The following DLGAP1 variants were observed in gnomAD, a reference collection of about 807,000 sequenced individuals.
The protein encoded by DLGAP1 is DLG associated protein 1, also known as disks large-associated protein 1.
Under a neutral mutation model 90.8 loss-of-function variants are expected in DLGAP1, and 11 were observed. That is an observed-to-expected ratio of 0.12 (90% CI 0.08 to 0.20). DLGAP1 has a LOEUF of 0.20. Among genes scored for constraint, DLGAP1 ranks in the 10% least tolerant of loss-of-function variants. The probability of loss-of-function intolerance (pLI) is 1.00; values close to 1 mark genes in which losing one functional copy is unlikely to be tolerated. For missense variants in DLGAP1, 1,050 were observed against 1,333.8 expected, an observed-to-expected ratio of 0.79 and a Z score of 3.31; for synonymous variants, 558 against 540.7, an observed-to-expected ratio of 1.03 and a Z score of -0.44.
At chr18:3,883,878 C>T (rs563574535) in intron 3 of DLGAP1, among the ~76,000 whole-genome samples, 2 of 152,300 alleles carry the variant, frequency 1.3e-5, no homozygotes, top group African/African-American at 4.8e-5. Flanking sequence ...TGGGCAATAT[C>T]GTACCTTCTG....
intron 2 of DLGAP1, among the ~76,000 whole-genome samples, chr18:4,071,237 CA>C (rs2075442026): frequency 6.6e-6 from 1 of 151,462 alleles, no homozygotes; most frequent in Non-Finnish European, 1.5e-5. Flanking sequence ...TAAAGATATA[CA>C]TGTGTGTGTG....
chr18:4,407,198 T>C (rs1442614708), intron 1 of DLGAP1, among the ~76,000 whole-genome samples: 1 of 147,876 alleles, frequency 6.8e-6, no homozygotes, highest in Non-Finnish European at 1.5e-5. Flanking sequence ...CACAATTTAG[T>C]TAAAGGGAAA....
chr18:4,146,901 T>A (rs905426857), intron 2 of DLGAP1, among the ~76,000 whole-genome samples: 2 of 152,034 alleles, frequency 1.3e-5, no homozygotes, highest in African/African-American at 4.8e-5. Context: ...CACACTGAGC[T>A]CTAAAAGTAG....
At chr18:4,436,464 G>A (rs907956986) in intron 1 of DLGAP1, among the ~76,000 whole-genome samples, 7 of 152,080 alleles carry the variant, frequency 4.6e-5, no homozygotes, top group South Asian at 2.1e-4. Context: ...CAGGTGATGC[G>A]ATGTTGCTGG....
intron 9 of DLGAP1, among the ~76,000 whole-genome samples, chr18:3,550,740 T>A (rs2053348853): frequency 7.2e-6 from 1 of 138,236 alleles, no homozygotes; most frequent in South Asian, 2.4e-4. Flanking sequence ...GACCCTTTTT[T>A]TTTTTTTTTT....
intron 3 of DLGAP1, among the ~76,000 whole-genome samples, chr18:3,964,405 C>T (rs936899102): frequency 2.3e-4 from 35 of 152,120 alleles, no homozygotes; most frequent in African/African-American, 7.2e-4. Flanking sequence ...TGCGTGAATA[C>T]GGCAGAGGTG....
In DLGAP1 at chr18:3,572,090, T is replaced by TTC. The variant is rs1555684210; in HGVS notation, c.1966-4510_1966-4509insGA. 3.0e-3 allele frequency among the ~76,000 whole-genome samples: 321 copies of TTC among 105,702 alleles called. 2 individuals carry two copies. The highest frequency in any genetic ancestry group is 9.3e-3 in the African/African-American group (288 of 31,008). 69.3% of individuals were successfully genotyped at this position (105,702 alleles called of 152,430 possible). Reference sequence around the variant, plus strand: ...CTAGGTTTTTTTTTTTTTTTTTTTTTCTTTTGAGACGGAGTTTGGCTCTTA... The same window carrying TTC: ...CTAGGTTTTTTTTTTTTTTTTTTTTTTCCTTTTGAGACGGAGTTTGGCTCTTA... On this transcript the variant is annotated intron_variant, in intron 8 of 12. Transcript: ENST00000315677.
chr18:4,164,611 C>T lies in DLGAP1; in HGVS notation c.-266-13324G>A, dbSNP rs371290522. On this transcript the variant is annotated intron_variant, in intron 1 of 12. Transcript: ENST00000315677. ...AGGAGAATTGCTTGAACCTGGGAGG[C>T]GAAGGTTGCAGTGAGCCAAGATCGC... Among the ~76,000 whole-genome samples the T allele has an allele frequency of 9.1e-4, 138 of 152,020 alleles. 1 individual carries two copies. Among genetic ancestry groups the T allele is most frequent in the African/African-American group, 3.0e-3 (123 of 41,468 alleles).
intron 7 of DLGAP1, among the ~76,000 whole-genome samples, chr18:3,589,645 C>A (rs1265662971): frequency 6.6e-6 from 1 of 152,108 alleles, no homozygotes; most frequent in African/African-American, 2.4e-5. Context: ...CATGTTGTTA[C>A]CCCAAGGCGT....
At chr18:3,771,456 G>A (rs1341676284) in intron 5 of DLGAP1, 6 of 152,376 alleles carry the variant, frequency 3.9e-5, no homozygotes. Context: ...TTTCCCCGGA[G>A]ACGCGCTCGG....
intron 1 of DLGAP1, among the ~76,000 whole-genome samples, chr18:4,240,275 C>A (rs2078504516): frequency 6.6e-6 from 1 of 151,892 alleles, no homozygotes; most frequent in Non-Finnish European, 1.5e-5. Flanking sequence ...GATAATGCAT[C>A]TTATTACATC....
rs868290525 is a variant in DLGAP1 at position 4,389,156 on chromosome 18, A to C, written c.-267+65850T>G. Reference sequence around the variant, plus strand: ...GGATGAACAAAATATGATATATAGAAACTATGAATTATTATTCATCCTTAA... The same window carrying C: ...GGATGAACAAAATATGATATATAGACACTATGAATTATTATTCATCCTTAA... On this transcript the variant is annotated intron_variant, in intron 1 of 12. Transcript: ENST00000315677. Among the ~76,000 whole-genome samples, 5 of 152,210 alleles carry C rather than the reference A, an allele frequency of 3.3e-5. No individual in the cohort carries two copies. In the South Asian group the frequency reaches 1.0e-3, roughly 32 times the overall value.
At chr18:3,575,724 A>C (rs2055083697) in intron 8 of DLGAP1, among the ~76,000 whole-genome samples, 2 of 152,166 alleles carry the variant, frequency 1.3e-5, no homozygotes, top group South Asian at 4.1e-4. Flanking sequence ...GGTGCCTATG[A>C]CTTTTAGTTT....
chr18:3,609,361 G>A (rs1173049979), intron 7 of DLGAP1, among the ~76,000 whole-genome samples: 1 of 152,172 alleles, frequency 6.6e-6, no homozygotes, highest in African/African-American at 2.4e-5. Context: ...GTCTTCCTTT[G>A]GAAGGCTGCT....
At chr18:3,941,612 C>T (rs565036443) in intron 3 of DLGAP1, among the ~76,000 whole-genome samples, 5 of 152,254 alleles carry the variant, frequency 3.3e-5, no homozygotes, top group South Asian at 2.1e-4. Flanking sequence ...CTTCTTTATC[C>T]AAGATAACAG....
intron 5 of DLGAP1, among the ~76,000 whole-genome samples, chr18:3,813,540 G>A (rs1464603581): frequency 1.3e-5 from 2 of 151,866 alleles, no homozygotes; most frequent in Non-Finnish European, 2.9e-5. Context: ...AATACATATC[G>A]AGTGCCCAAA....
rs1006785730 is a variant in DLGAP1 at position 4,342,917 on chromosome 18, T to A, written c.-267+112089A>T. ...CAATATCAGATCTGAATATGAGAGA[T>A]GAAGCCAAAATTTTTGGCTTTATAA... On this transcript the variant is annotated intron_variant, in intron 1 of 12. Transcript: ENST00000315677. The surrounding 1 kb of genome is among the most constrained non-coding windows in gnomAD (Gnocchi z 5.8). 6.6e-6 allele frequency among the ~76,000 whole-genome samples: 1 copy of A among 152,194 alleles called. No individual in the cohort carries two copies. The highest frequency in any genetic ancestry group is 2.4e-5 in the African/African-American group (1 of 41,456).
intron 3 of DLGAP1, among the ~76,000 whole-genome samples, chr18:3,935,150 C>T (rs1461196149): frequency 6.6e-6 from 1 of 152,206 alleles, no homozygotes; most frequent in East Asian, 1.9e-4. Flanking sequence ...TAACACACTT[C>T]CATAGATACT....
intron 2 of DLGAP1, among the ~76,000 whole-genome samples, chr18:4,111,176 G>GT (rs555326450): frequency 6.6e-6 from 1 of 151,942 alleles, no homozygotes; most frequent in Non-Finnish European, 1.5e-5. Context: ...GATCTTCTGA[G>GT]TTTTTTTCTG....
Sources: allele counts gnomAD v4.1 joint callset (sites outside exome capture counted in the v4.1 genomes callset), GRCh38; gene constraint gnomAD v4.1.1; non-coding constraint Gnocchi (gnomAD v3.1); transcripts MANE v1.5; gene names NCBI Gene and HGNC (gene_info 2026-07-23, HGNC 2026-07-21).